The following PRRC2B variants were observed in gnomAD, a reference collection of about 807,000 sequenced individuals.
PRRC2B encodes the protein protein PRRC2B.
In PRRC2B, 68 loss-of-function variants were observed where a neutral mutation model predicts 242.3. The observed-to-expected ratio is 0.28, with a 90% CI of 0.23 to 0.34. The LOEUF is 0.34. Ranked by LOEUF, PRRC2B falls within the 10% of genes least tolerant of loss-of-function variation. The pLI is 1.00. For synonymous variants in PRRC2B, 1,228 were observed against 1,173.6 expected (o/e 1.05, Z -0.95); for missense variants, 2,835 against 2,954.8 (o/e 0.96, Z 0.94).
At chr9:131,424,031 G>A (rs1013284989) in intron 1 of PRRC2B, among the ~76,000 whole-genome samples, 1 of 152,064 alleles carries the variant, frequency 6.6e-6, no homozygotes, top group African/African-American at 2.4e-5. Context: ...CACCTCCCAG[G>A]CTCAAGCAGT....
At chr9:131,398,768 C>T (rs1042972766) in intron 1 of PRRC2B, among the ~76,000 whole-genome samples, 4 of 151,996 alleles carry the variant, frequency 2.6e-5, no homozygotes, top group African/African-American at 9.7e-5. Context: ...TGCTTGAGGC[C>T]AGGTTAAGAC....
At chr9:131,437,739 C>T (rs1415270038) in intron 4 of PRRC2B, among the ~76,000 whole-genome samples, 2 of 152,352 alleles carry the variant, frequency 1.3e-5, no homozygotes, top group East Asian at 3.9e-4. Flanking sequence ...GGTCTATAAT[C>T]ATGCAAGATG....
At position 131,479,246 on chromosome 9, in the gene PRRC2B, C is replaced by T; in HGVS notation, c.4759-6C>T. On this transcript the variant is annotated splice_region_variant and splice_polypyrimidine_tract_variant and intron_variant, in intron 18 of 31. Coordinates refer to ENST00000683519, the MANE Select transcript of PRRC2B (RefSeq NM_013318.4). Reference sequence around the variant, plus strand: ...GCTAGACTACAGCATCCTTTCTTCCCCTCAGGTGCCTGTCAAAGGTCGAGG... The same window carrying T: ...GCTAGACTACAGCATCCTTTCTTCCTCTCAGGTGCCTGTCAAAGGTCGAGG... The T allele has an allele frequency of 6.2e-7, 1 of 1,613,444 alleles. No homozygotes were observed. Among genetic ancestry groups the T allele is most frequent in the South Asian group, 1.1e-5 (1 of 90,928 alleles).
intron 30 of PRRC2B, among the ~76,000 whole-genome samples, chr9:131,493,529 C>T (rs936563781): frequency 2.6e-5 from 4 of 152,230 alleles, no homozygotes; most frequent in Non-Finnish European, 4.4e-5. Context: ...GGACAAGAGT[C>T]GCCTGTGTCT....
rs557589898 is a variant in PRRC2B, at chr9:131,466,840, C to T, written c.1721-723C>T. On this transcript the variant is annotated intron_variant, in intron 12 of 31. Transcript: ENST00000683519. ...TTTTGGAGACGGATTCTCACTCTGTCGCCCAGGCTGGAGTGCAGTGGCACG... is the reference window on the plus strand; with the variant it reads ...TTTTGGAGACGGATTCTCACTCTGTTGCCCAGGCTGGAGTGCAGTGGCACG... 1.5e-3 allele frequency among the ~76,000 whole-genome samples: 230 copies of T among 150,632 alleles called. 4 individuals are homozygous for T. The highest frequency in any genetic ancestry group is 4.0e-3 in the South Asian group (19 of 4,756).
intron 5 of PRRC2B, among the ~76,000 whole-genome samples, chr9:131,442,470 GAGTCCA>G (rs1838627265): frequency 2.0e-5 from 3 of 152,030 alleles, no homozygotes; most frequent in African/African-American, 7.3e-5. Context: ...ATGACACTTA[GAGTCCA>G]TCTCTGGCTG....
chr9:131,466,005 G>C (rs1943386171), intron 12 of PRRC2B, among the ~76,000 whole-genome samples: 1 of 152,256 alleles, frequency 6.6e-6, no homozygotes, highest in African/African-American at 2.4e-5. Context: ...GATTACAGGC[G>C]TGAGCCACTG....
At chr9:131,483,275 A>G (rs753557769) in intron 22 of PRRC2B, 84 bp from the exon 23 acceptor site, 5 of 1,311,658 alleles carry the variant, frequency 3.8e-6, no homozygotes, top group Admixed American at 1.8e-5. Context: ...AGTCGGGGAA[A>G]CTGCATCACG....
intron 8 of PRRC2B, 105 bp downstream of exon 8, chr9:131,447,311 C>T: frequency 1.4e-6 from 2 of 1,420,486 alleles, no homozygotes; most frequent in South Asian, 2.6e-5. Flanking sequence ...CTGGAGACCA[C>T]AGAGAACTTA....
intron 10 of PRRC2B, 64 bp downstream of exon 10, chr9:131,455,230 G>A: frequency 8.5e-7 from 1 of 1,179,492 alleles, no homozygotes. Flanking sequence ...TGTGTACCCA[G>A]AGCATTTCCC....
rs1838830726 is a variant in PRRC2B at position 131,447,206 on chromosome 9, G to A, written c.977G>A (p.Gly326Glu). Residue 326 changes from glycine (G) to glutamate (E), a missense_variant and splice_region_variant, in exon 8 of 32, where the codon GGA (glycine) becomes GAA (glutamate). This residue lies in a region of PRRC2B where 626 missense variants were observed against 685.5 expected (regional missense o/e 0.91). Transcript: ENST00000683519. ...CAGTTCCAGATGAATGACCAAGACGGGTGAGTCCATTGCATTACAGTCACG... is the reference window on the plus strand; with the variant it reads ...CAGTTCCAGATGAATGACCAAGACGAGTGAGTCCATTGCATTACAGTCACG... Reference protein sequence around the residue: ...FRQFQMNDQDGKENRLGLSRP... With the variant: ...FRQFQMNDQDEKENRLGLSRP... 6.2e-7 allele frequency: 1 copy of A among 1,613,932 alleles called. No individual in the cohort carries two copies. The highest frequency in any genetic ancestry group is 8.5e-7 in the Non-Finnish European group (1 of 1,179,876).
intron 1 of PRRC2B, among the ~76,000 whole-genome samples, chr9:131,408,095 G>C (rs181606905): frequency 3.9e-5 from 6 of 152,208 alleles, no homozygotes; most frequent in East Asian, 1.9e-4. Context: ...ACAGCTAGAG[G>C]GGGTGGGAAG....
intron 11 of PRRC2B, among the ~76,000 whole-genome samples, chr9:131,464,031 T>A (rs1436319380): frequency 2.6e-5 from 4 of 151,358 alleles, no homozygotes; most frequent in African/African-American, 9.7e-5. Context: ...AACTTCTACC[T>A]CCCAGGTTCA....
In PRRC2B at chr9:131,436,633, G is replaced by T. The variant is rs1259152527; in HGVS notation, c.307G>T (p.Ala103Ser). 6.2e-7 allele frequency: 1 copy of T among 1,613,702 alleles called. No homozygotes were observed. Among genetic ancestry groups the T allele is most frequent in the African/African-American group, 1.3e-5 (1 of 74,942 alleles). ...QQDPKSSSAT[A>S]SQPPESLPQP... ...GCCTTTGTCTAGTTCCAGTGCGACG[G>T]CCTCTCAGCCGCCGGAGTCGCTGCC... Residue 103 changes from alanine to serine, a missense_variant, in exon 4 of 32, where the codon GCC becomes TCC. This residue lies in a region of PRRC2B where 626 missense variants were observed against 685.5 expected (regional missense o/e 0.91). Transcript: ENST00000683519.
At chr9:131,417,546 G>T (rs1400031099) in intron 1 of PRRC2B, among the ~76,000 whole-genome samples, 1 of 152,042 alleles carries the variant, frequency 6.6e-6, no homozygotes, top group Non-Finnish European at 1.5e-5. Context: ...GTGAAGGGAG[G>T]TTTTCCCCTC....
intron 1 of PRRC2B, among the ~76,000 whole-genome samples, chr9:131,383,890 G>A (rs1206423681): frequency 2.0e-5 from 3 of 151,592 alleles, no homozygotes; most frequent in African/African-American, 7.3e-5. Context: ...CAAAGTGCTG[G>A]GATTACAGGC....
chr9:131,456,738 C>T (rs1203944284), intron 10 of PRRC2B, among the ~76,000 whole-genome samples: 2 of 151,934 alleles, frequency 1.3e-5, no homozygotes, highest in Non-Finnish European at 2.9e-5. Flanking sequence ...TCCAGAAGGT[C>T]GAGGCTGCAG....
In PRRC2B at chr9:131,459,081, G is replaced by A. The variant is rs551090552; in HGVS notation, c.1212-83G>A. On this transcript the variant is annotated intron_variant, in intron 10 of 31. Coordinates refer to ENST00000683519, the MANE Select transcript of PRRC2B (RefSeq NM_013318.4). ...AAAATGATTTGGACAGCTGACTTGG[G>A]AATTCTCAAGGCCTCTGACCAGTGA... 9.8e-5 allele frequency: 123 copies of A among 1,253,332 alleles called. No individual in the cohort carries two copies. In the East Asian group the frequency reaches 2.8e-3, roughly 29 times the overall value. 77.6% of individuals were successfully genotyped at this position (1,253,332 alleles called of 1,614,324 possible).
At chr9:131,421,224 T>C (rs1837830411) in intron 1 of PRRC2B, among the ~76,000 whole-genome samples, 2 of 152,202 alleles carry the variant, frequency 1.3e-5, no homozygotes, top group African/African-American at 4.8e-5. Flanking sequence ...CCTGTCTCCA[T>C]GTCCCCAGCA....
Sources: allele counts gnomAD v4.1 joint callset (sites outside exome capture counted in the v4.1 genomes callset), GRCh38; gene constraint gnomAD v4.1.1; regional missense constraint gnomAD v4.1.1; transcripts MANE v1.5; gene names NCBI Gene and HGNC (gene_info 2026-07-23, HGNC 2026-07-21).